The following KIF5A variants were observed in gnomAD, a reference collection of about 807,000 sequenced individuals.
The protein encoded by KIF5A is kinesin heavy chain isoform 5A.
Under a neutral mutation model 141.3 loss-of-function variants are expected in KIF5A, and 35 were observed. That is an observed-to-expected ratio of 0.25 (90% CI 0.19 to 0.33). The LOEUF is 0.33. Among genes scored for constraint, KIF5A ranks in the 10% least tolerant of loss-of-function variants. The pLI, the probability that KIF5A is intolerant of heterozygous loss-of-function variation, is 1.00. For synonymous variants in KIF5A, 448 were observed against 500.2 expected (o/e 0.90, Z 1.39); for missense variants, 861 against 1,314.3 (o/e 0.66, Z 5.33).
rs1882727486 is a variant in KIF5A at position 57,585,363 on chromosome 12, G to C, written c.*1182G>C. 1 of 154,340 alleles carries C rather than the reference G, an allele frequency of 6.5e-6. No homozygotes were observed. Among genetic ancestry groups the C allele is most frequent in the Admixed American group, 6.5e-5 (1 of 15,282 alleles). 9.6% of individuals were successfully genotyped at this position (154,340 alleles called of 1,614,324 possible). A position where few individuals can be genotyped will look rare whatever the true frequency, so the allele number is the denominator to read the frequency against. On this transcript the variant is annotated 3_prime_UTR_variant, in exon 29 of 29. Transcript: ENST00000455537. ...GTATTAAGTGCACTTTAAAGAAAGG[G>C]GCAGGGTGGATTTTCAAGAGGTGGG...
intron 10 of KIF5A, 32 bp from the exon 11 acceptor site, chr12:57,569,503 C>G (rs547850989): frequency 1.9e-6 from 3 of 1,614,032 alleles, no homozygotes; most frequent in African/African-American, 1.3e-5. Flanking sequence ...TCATGTTGCT[C>G]TCATTTCTTT....
intron 1 of KIF5A, among the ~76,000 whole-genome samples, chr12:57,558,631 G>A (rs1322625351): frequency 2.0e-5 from 3 of 152,228 alleles, no homozygotes; most frequent in African/African-American, 7.2e-5. Context: ...CTGAGATGGA[G>A]CCACTGCACT....
In KIF5A at chr12:57,578,224, C is replaced by T. The variant is rs1882486547; in HGVS notation, c.2434-14C>T. 1 of 1,609,778 alleles carries T rather than the reference C, an allele frequency of 6.2e-7. No homozygotes were observed. The highest frequency in any genetic ancestry group is 8.5e-7 in the Non-Finnish European group (1 of 1,176,066). ...CCTCAGGACAGCCACGTCTTTCCTT[C>T]TATCTGTTCTCAGAGTGCAGAAATG... On this transcript the variant is annotated splice_polypyrimidine_tract_variant and intron_variant, in intron 22 of 28. Coordinates refer to ENST00000455537, the MANE Select transcript of KIF5A (RefSeq NM_004984.4).
chr12:57,572,580 G>A lies in KIF5A; in HGVS notation c.1570G>A (p.Ala524Thr). ...GAATGACCTGAGGGGCTGTCCCCAG[G>A]CCACCATGCTGTCCCTGGAGTCTGA... ...LLVDELSQKV[A>T]TMLSLESELQ... is the part of the protein sequence containing the mutation. The change falls in exon 15 of 29, where the codon GCC (alanine) becomes ACC (threonine). Residue 524 changes from alanine to threonine, a missense_variant and splice_region_variant. Transcript: ENST00000455537. This position sits in a 1 kb window ranked among gnomAD's most constrained non-coding sequence, Gnocchi z 4.2. 1 of 1,614,212 alleles carries A rather than the reference G, an allele frequency of 6.2e-7. No homozygotes were observed. The highest frequency in any genetic ancestry group is 8.5e-7 in the Non-Finnish European group (1 of 1,180,038).
At chr12:57,565,517 G>T (rs960383289) in intron 6 of KIF5A, among the ~76,000 whole-genome samples, 1 of 151,572 alleles carries the variant, frequency 6.6e-6, no homozygotes. Flanking sequence ...TGGAAGAAAT[G>T]CCTGTAATCC....
intron 7 of KIF5A, 124 bp downstream of exon 7, chr12:57,567,337 T>C: frequency 8.0e-7 from 1 of 1,246,438 alleles, no homozygotes; most frequent in Non-Finnish European, 1.2e-6. Flanking sequence ...GGACCCCTTG[T>C]CTGTGGGACC....
At position 57,564,158 on chromosome 12, in the gene KIF5A, A is replaced by C; in HGVS notation, c.342A>C (p.Arg114=). The change falls in exon 4 of 29, where the codon CGA becomes CGC. Residue 114 remains arginine (R), a synonymous_variant. Coordinates refer to ENST00000455537, the MANE Select transcript of KIF5A (RefSeq NM_004984.4). The stretch of plus-strand genomic sequence containing the variant: ...TGGGAATCATTCCTCGAATTGCCCG[A>C]GACATCTTCAACCACATCTACTCCA... ...QLMGIIPRIA[R]DIFNHIYSMD... 1 of 1,614,100 alleles carries C rather than the reference A, an allele frequency of 6.2e-7. No individual in the cohort carries two copies. The highest frequency in any genetic ancestry group is 8.5e-7 in the Non-Finnish European group (1 of 1,179,986).
At chr12:57,577,045 C>T (rs1028047199) in intron 20 of KIF5A, among the ~76,000 whole-genome samples, 183 bp downstream of exon 20, 2 of 152,146 alleles carry the variant, frequency 1.3e-5, no homozygotes, top group African/African-American at 4.8e-5. Flanking sequence ...GAGTATTCAC[C>T]AGTATGGAAG....
chr12:57,583,331 A>T, intron 28 of KIF5A, 116 bp downstream of exon 28: 2 of 673,180 alleles, frequency 3.0e-6, no homozygotes, highest in South Asian at 3.4e-5. Flanking sequence ...AACTTTAATT[A>T]TGTAGTTACC....
At chr12:57,553,709 T>G (rs1233295998) in intron 1 of KIF5A, among the ~76,000 whole-genome samples, 1 of 151,990 alleles carries the variant, frequency 6.6e-6, no homozygotes, top group Non-Finnish European at 1.5e-5. Flanking sequence ...TCAGCACACA[T>G]GATAGAAAAG....
At chr12:57,556,430 G>A (rs1476263213) in intron 1 of KIF5A, among the ~76,000 whole-genome samples, 1 of 151,996 alleles carries the variant, frequency 6.6e-6, no homozygotes, top group Non-Finnish European at 1.5e-5. Flanking sequence ...GAGCCACCGC[G>A]CCCAGCCCAC....
chr12:57,567,015 T>G (rs372311663), intron 6 of KIF5A, 111 bp from the exon 7 acceptor site: 4 of 450,946 alleles, frequency 8.9e-6, no homozygotes, highest in East Asian at 5.8e-5. Flanking sequence ...CACTCCAGCC[T>G]GGGCAGAGCG....
intron 23 of KIF5A, 80 bp downstream of exon 23, chr12:57,578,422 T>A: frequency 1.1e-6 from 1 of 923,416 alleles, no homozygotes; most frequent in Non-Finnish European, 1.8e-6. Context: ...CCCCTTGGAT[T>A]CAGGAAAATC....
At chr12:57,561,066 GTCTC>G (rs1324264952) in intron 1 of KIF5A, among the ~76,000 whole-genome samples, 1 of 152,028 alleles carries the variant, frequency 6.6e-6, no homozygotes, top group Non-Finnish European at 1.5e-5. Flanking sequence ...TTGATACAGG[GTCTC>G]TCTCTGTCAC....
chr12:57,569,162 G>C (rs971028362), intron 9 of KIF5A, 94 bp from the exon 10 acceptor site: 112 of 1,569,936 alleles, frequency 7.1e-5, no homozygotes, highest in Non-Finnish European at 9.6e-5. Context: ...CAATTCATGG[G>C]TTGTCTGATC....
intron 1 of KIF5A, among the ~76,000 whole-genome samples, chr12:57,561,795 C>G (rs1413720330): frequency 6.6e-6 from 1 of 152,188 alleles, no homozygotes; most frequent in African/African-American, 2.4e-5. Flanking sequence ...ACTGTTAACA[C>G]TTTTGTATAA....
Position 57,567,540 on chromosome 12 carries a change from C to T in KIF5A, c.636C>T (p.Asn212=). The change falls in exon 8 of 29, where the codon AAC becomes AAT. Residue 212 remains asparagine (N), a synonymous_variant. Transcript: ENST00000455537. ...GGAGCCACAGCATCTTCCTCATCAACATCAAGCAGGAGAACATGGAAACGG... is the reference window on the plus strand; with the variant it reads ...GGAGCCACAGCATCTTCCTCATCAATATCAAGCAGGAGAACATGGAAACGG... The part of the protein sequence containing the change: ...SSRSHSIFLI[N]IKQENMETEQ... 2 of 1,613,114 alleles carry T rather than the reference C, an allele frequency of 1.2e-6. No individual in the cohort carries two copies. The highest frequency in any genetic ancestry group is 1.3e-5 in the African/African-American group (1 of 74,818).
intron 2 of KIF5A, 21 bp from the exon 3 acceptor site, chr12:57,563,599 T>C (rs1428973969): frequency 3.1e-6 from 5 of 1,613,558 alleles, no homozygotes; most frequent in Admixed American, 3.3e-5. Context: ...ACCAGTACTC[T>C]TTCTCTACTG....
Position 57,550,146 on chromosome 12 carries a change from C to T in KIF5A, c.-126C>T. On this transcript the variant is annotated 5_prime_UTR_variant, in exon 1 of 29. Transcript: ENST00000455537. This position sits in a 1 kb window ranked among gnomAD's most constrained non-coding sequence, Gnocchi z 4.6. ...GCTCCCCAGGCTTCGCCCGGGCGCC[C>T]TCAACTCTGTCCCCAGAGACTGAGC... 2 of 1,419,114 alleles carry T rather than the reference C, an allele frequency of 1.4e-6. No individual in the cohort carries two copies. Among genetic ancestry groups the T allele is most frequent in the South Asian group, 2.3e-5 (2 of 86,642 alleles). 87.9% of individuals were successfully genotyped at this position (1,419,114 alleles called of 1,614,324 possible). A position where few individuals can be genotyped will look rare whatever the true frequency, so the allele number is the denominator to read the frequency against.
Sources: allele counts gnomAD v4.1 joint callset (sites outside exome capture counted in the v4.1 genomes callset), GRCh38; gene constraint gnomAD v4.1.1; non-coding constraint Gnocchi (gnomAD v3.1); transcripts MANE v1.5; gene names NCBI Gene and HGNC (gene_info 2026-07-23, HGNC 2026-07-21).